Variants in DMD observed in about 807,000 individuals in gnomAD.
The protein encoded by DMD is mutant dystrophin.
In DMD, 63 loss-of-function variants were observed where a neutral mutation model predicts 330.1. The observed-to-expected ratio is 0.19, with a 90% CI of 0.16 to 0.24. The LOEUF (loss-of-function observed/expected upper bound fraction) is 0.24, where lower values mean the gene tolerates loss of function less well. Ranked by LOEUF, DMD falls within the 10% of genes least tolerant of loss-of-function variation. The probability of loss-of-function intolerance (pLI) is 1.00; values close to 1 mark genes in which losing one functional copy is unlikely to be tolerated. For missense variants in DMD, 3,344 were observed against 2,684.1 expected (o/e 1.25, Z -5.43); for synonymous variants, 1,223 against 959.8 (o/e 1.27, Z -5.07).
chrX:31,766,275 T>C (rs1603462258), intron 51 of DMD, among the ~76,000 whole-genome samples: 1 of 112,123 alleles, frequency 8.9e-6, no homozygotes, highest in African/African-American at 3.2e-5. Flanking sequence ...TTTATTTATT[T>C]GAGACGGAGT....
chrX:32,767,950 C>G (rs1415949432), intron 7 of DMD, among the ~76,000 whole-genome samples: 1 of 111,327 alleles, frequency 9.0e-6, no homozygotes, highest in Admixed American at 9.6e-5. Context: ...AAAGGCTTAA[C>G]TATTGATAAG....
At chrX:32,586,236 T>C (rs1464823500) in intron 13 of DMD, among the ~76,000 whole-genome samples, 5 of 110,587 alleles carry the variant, frequency 4.5e-5, no homozygotes, top group African/African-American at 1.3e-4. Flanking sequence ...CAAAGGTGTA[T>C]AGCAACTTCC....
intron 55 of DMD, among the ~76,000 whole-genome samples, chrX:31,511,420 G>A (rs1248159236): frequency 9.7e-6 from 1 of 102,894 alleles, no homozygotes; most frequent in Non-Finnish European, 2.0e-5. Context: ...CCATGCTGGT[G>A]CGCTGCACCC....
At chrX:33,056,949 T>G (rs2094525266) in intron 1 of DMD, among the ~76,000 whole-genome samples, 1 of 111,598 alleles carries the variant, frequency 9.0e-6, no homozygotes, top group Non-Finnish European at 1.9e-5. Context: ...TCTCGTTCTC[T>G]GTTATGAAAA....
chrX:32,441,138 C>T (rs1569562559), intron 28 of DMD, 42 bp downstream of exon 28: 2 of 1,186,150 alleles, frequency 1.7e-6, no homozygotes, highest in Non-Finnish European at 1.1e-6. Context: ...TCTTTTAATA[C>T]TGCATATAAA....
chrX:31,324,912 CTTCT>C (rs1296393917), intron 61 of DMD, among the ~76,000 whole-genome samples: 1 of 112,213 alleles, frequency 8.9e-6, no homozygotes, highest in Non-Finnish European at 1.9e-5. Flanking sequence ...GAAACTCCAG[CTTCT>C]TTGTTTTATA....
chrX:31,880,257 G>A (rs767744461), intron 47 of DMD, among the ~76,000 whole-genome samples: 1 of 111,054 alleles, frequency 9.0e-6, no homozygotes, highest in Non-Finnish European at 1.9e-5. Context: ...CCTTTTAGAA[G>A]CAAAAAAAGA....
chrX:31,352,484 A>G (rs897566037), intron 60 of DMD, among the ~76,000 whole-genome samples: 15 of 111,395 alleles, frequency 1.3e-4, no homozygotes, highest in African/African-American at 4.6e-4. Context: ...TCTAGTAAGA[A>G]TGTTAGTTTC....
chrX:32,531,008 G>A (rs979448440), intron 17 of DMD, among the ~76,000 whole-genome samples: 6 of 111,693 alleles, frequency 5.4e-5, no homozygotes, highest in Admixed American at 1.9e-4. Flanking sequence ...ACTAGAGGGC[G>A]CACATTCCCT....
intron 1 of DMD, among the ~76,000 whole-genome samples, chrX:33,189,482 C>T (rs912393991): frequency 4.5e-5 from 5 of 111,196 alleles, no homozygotes; most frequent in East Asian, 2.8e-4. Flanking sequence ...CCTCCATTGG[C>T]GGAGTCAATG....
At chrX:32,634,606 G>A (rs1179791915) in intron 11 of DMD, among the ~76,000 whole-genome samples, 1 of 111,792 alleles carries the variant, frequency 8.9e-6, no homozygotes, top group Non-Finnish European at 1.9e-5. Context: ...CTCTCTTCTG[G>A]CCCAGGGTGT....
intron 11 of DMD, among the ~76,000 whole-genome samples, chrX:32,639,074 CT>C (rs1335941379): frequency 1.8e-5 from 2 of 111,911 alleles, no homozygotes; most frequent in East Asian, 5.6e-4. Flanking sequence ...TCCTGACTTG[CT>C]TTCATTTTTT....
chrX:31,721,734 A>ATC (rs1182112455), intron 52 of DMD, among the ~76,000 whole-genome samples: 9,101 of 92,540 alleles, frequency 0.098, 1,044 homozygotes, highest in African/African-American at 0.29. Flanking sequence ...ATATATATAT[A>ATC]TATATATATA....
At chrX:31,873,506 T>G in intron 48 of DMD, among the ~76,000 whole-genome samples, 1 of 111,892 alleles carries the variant, frequency 8.9e-6, no homozygotes, top group Non-Finnish European at 1.9e-5. Context: ...ATTAAAATGT[T>G]AGGTTTTTAC....
At chrX:31,959,819 C>A (rs1441059489) in intron 45 of DMD, among the ~76,000 whole-genome samples, 1 of 96,898 alleles carries the variant, frequency 1.0e-5, no homozygotes, top group Non-Finnish European at 2.0e-5. Context: ...GGCTGGAGTG[C>A]AATGGCATGA....
chrX:31,729,825 C>G (rs2086368576), intron 51 of DMD, 77 bp from the exon 52 acceptor site: 1 of 829,072 alleles, frequency 1.2e-6, no homozygotes, highest in African/African-American at 2.0e-5. Context: ...AAGTAAAGTA[C>G]AATTGTGAGA....
chrX:32,564,761 C>T (rs753321155), intron 16 of DMD, among the ~76,000 whole-genome samples: 2 of 111,601 alleles, frequency 1.8e-5, no homozygotes, highest in African/African-American at 6.5e-5. Flanking sequence ...ATACTACAAA[C>T]TTCATGTCTC....
chrX:32,241,876 C>T (rs1311515635), intron 43 of DMD, among the ~76,000 whole-genome samples: 1 of 110,709 alleles, frequency 9.0e-6, no homozygotes, highest in Non-Finnish European at 1.9e-5. Context: ...ACCAGCATAA[C>T]GTATATTTTT....
At chrX:33,199,477 G>T (rs748197239) in intron 1 of DMD, among the ~76,000 whole-genome samples, 1 of 111,055 alleles carries the variant, frequency 9.0e-6, no homozygotes, top group Admixed American at 9.6e-5. Context: ...GGTTTTGTGC[G>T]GTGAAGAGAA....
Sources: allele counts gnomAD v4.1 joint callset (sites outside exome capture counted in the v4.1 genomes callset), GRCh38; gene constraint gnomAD v4.1.1; transcripts MANE v1.5; gene names NCBI Gene and HGNC (gene_info 2026-07-23, HGNC 2026-07-21).